ARMC8: variants seen among roughly 807,000 people sequenced by gnomAD.
ARMC8 encodes armadillo repeat-containing protein 8.
ARMC8 carries 20 observed loss-of-function variants against 99.3 expected under a neutral mutation model. The ratio of observed to expected loss-of-function variants is 0.20; its 90% confidence interval spans 0.14 to 0.29. ARMC8 has a LOEUF of 0.29. Ranked by LOEUF, ARMC8 falls within the 10% of genes least tolerant of loss-of-function variation. The pLI, the probability that ARMC8 is intolerant of heterozygous loss-of-function variation, is 1.00. For missense variants in ARMC8, 569 were observed against 809.5 expected, an observed-to-expected ratio of 0.70 and a Z score of 3.60; for synonymous variants, 263 against 278.3, an observed-to-expected ratio of 0.95 and a Z score of 0.55.
At chr3:138,278,840 T>C (rs549153968) in intron 18 of ARMC8, among the ~76,000 whole-genome samples, 3 of 152,232 alleles carry the variant, frequency 2.0e-5, no homozygotes, top group Non-Finnish European at 4.4e-5. Flanking sequence ...AAATTTCGAT[T>C]TCCAGTTGTT....
chr3:138,269,683 A>G (rs893570482), intron 15 of ARMC8, among the ~76,000 whole-genome samples: 1 of 152,216 alleles, frequency 6.6e-6, no homozygotes, highest in Non-Finnish European at 1.5e-5. Context: ...AGTCTCAGCG[A>G]AAGATGAGAG....
At chr3:138,189,202 C>T (rs1258410477) in intron 1 of ARMC8, among the ~76,000 whole-genome samples, 1 of 151,594 alleles carries the variant, frequency 6.6e-6, no homozygotes, top group Non-Finnish European at 1.5e-5. Flanking sequence ...TTATTTTATT[C>T]AAAAACTTCT....
chr3:138,281,341 G>A (rs2049905231), intron 18 of ARMC8, among the ~76,000 whole-genome samples: 1 of 150,702 alleles, frequency 6.6e-6, no homozygotes, highest in African/African-American at 2.4e-5. Context: ...TTGCCAGGCT[G>A]GAGTGCAGTG....
chr3:138,274,428 G>A, intron 17 of ARMC8, 21 bp from the exon 18 acceptor site: 1 of 1,476,936 alleles, frequency 6.8e-7, no homozygotes, highest in South Asian at 1.2e-5. Flanking sequence ...TGATAATTAT[G>A]GATTTCCCAT....
chr3:138,211,399 A>C (rs1195205163), intron 2 of ARMC8, among the ~76,000 whole-genome samples: 1 of 152,226 alleles, frequency 6.6e-6, no homozygotes, highest in Non-Finnish European at 1.5e-5. Flanking sequence ...GTAGAGTTCT[A>C]TCTGATATGA....
At chr3:138,260,060 C>T (rs889086197) in intron 12 of ARMC8, among the ~76,000 whole-genome samples, 1 of 152,206 alleles carries the variant, frequency 6.6e-6, no homozygotes. Context: ...CAAGGGCTTT[C>T]TCTTCCTCAC....
intron 21 of ARMC8, among the ~76,000 whole-genome samples, chr3:138,293,391 T>C (rs1460150074): frequency 6.6e-6 from 1 of 152,012 alleles, no homozygotes; most frequent in Non-Finnish European, 1.5e-5. Flanking sequence ...CTCCAAAAAT[T>C]AGCAGGGCAT....
intron 19 of ARMC8, among the ~76,000 whole-genome samples, chr3:138,287,299 C>G (rs1325770145): frequency 6.6e-6 from 1 of 152,146 alleles, no homozygotes; most frequent in East Asian, 1.9e-4. Context: ...TACTTCAGAC[C>G]TTTTCAGGAA....
At chr3:138,187,633 C>A (rs1311241984) in intron 1 of ARMC8, 34 bp downstream of exon 1, 2 of 1,534,540 alleles carry the variant, frequency 1.3e-6, no homozygotes, top group Non-Finnish European at 1.7e-6. Flanking sequence ...CGCCCGCCCT[C>A]CAGGAAGCCT....
Position 138,187,513 on chromosome 3 carries a change from C to G in ARMC8, c.-42C>G. On this transcript the variant is annotated 5_prime_UTR_variant, in exon 1 of 22. Transcript: ENST00000469044. ...ATAGTTGGCTGTCGAAAGTGCCGGC[C>G]CCCGCGCCGGCGCCTGCAGCAGCCG... 6.5e-7 allele frequency: 1 copy of G among 1,534,396 alleles called. No homozygotes were observed. Among genetic ancestry groups the G allele is most frequent in the Non-Finnish European group, 8.7e-7 (1 of 1,145,514 alleles).
chr3:138,288,837 T>C (rs1370013361), intron 19 of ARMC8, among the ~76,000 whole-genome samples: 1 of 151,988 alleles, frequency 6.6e-6, no homozygotes, highest in Non-Finnish European at 1.5e-5. Flanking sequence ...AGGGTTTCAC[T>C]GTGTTAATCA....
At chr3:138,188,723 T>C (rs2043214000) in intron 1 of ARMC8, among the ~76,000 whole-genome samples, 1 of 152,158 alleles carries the variant, frequency 6.6e-6, no homozygotes, top group South Asian at 2.1e-4. Context: ...ACAAACAAAC[T>C]CACCTATCTG....
chr3:138,245,711 A>G (rs1447094579), intron 12 of ARMC8: 1 of 991,798 alleles, frequency 1.0e-6, no homozygotes, highest in Non-Finnish European at 1.2e-6. Context: ...GGTCATCTGA[A>G]TTTTCCAGCT....
chr3:138,252,178 T>G (rs2047148899), intron 12 of ARMC8, among the ~76,000 whole-genome samples: 1 of 152,158 alleles, frequency 6.6e-6, no homozygotes, highest in Non-Finnish European at 1.5e-5. Context: ...AAGATAAAAT[T>G]ATTTTTGCAT....
In ARMC8 at chr3:138,272,928, A is replaced by G. The variant is rs763221067; in HGVS notation, c.1480-39A>G. The G allele has an allele frequency of 1.7e-5, 25 of 1,429,908 alleles. 1 individual carries two copies. In the South Asian group the frequency reaches 4.0e-4, roughly 23 times the overall value. 88.6% of individuals were successfully genotyped at this position (1,429,908 alleles called of 1,614,324 possible). ...ATTAAAATATAATTTAATAAAGTAA[A>G]TGTAGACATGATTCTTGCAACTTCT... On this transcript the variant is annotated intron_variant, in intron 16 of 21. Transcript: ENST00000469044.
At chr3:138,219,241 C>T (rs1372794561) in intron 2 of ARMC8, among the ~76,000 whole-genome samples, 1 of 152,190 alleles carries the variant, frequency 6.6e-6, no homozygotes, top group African/African-American at 2.4e-5. Context: ...GTTGTGTTCC[C>T]ATCTTGGATG....
intron 1 of ARMC8, among the ~76,000 whole-genome samples, chr3:138,191,947 A>G (rs2043410699): frequency 6.6e-6 from 1 of 152,228 alleles, no homozygotes. Context: ...ATTATAACGT[A>G]GTATGAACAA....
chr3:138,271,373 A>C (rs1319255123), intron 16 of ARMC8, among the ~76,000 whole-genome samples: 2 of 152,154 alleles, frequency 1.3e-5, no homozygotes, highest in East Asian at 3.8e-4. Flanking sequence ...ACTTCATCTC[A>C]TAACATGGTT....
At chr3:138,243,562 C>T (rs564777083) in intron 11 of ARMC8, among the ~76,000 whole-genome samples, 1 of 152,086 alleles carries the variant, frequency 6.6e-6, no homozygotes, top group Non-Finnish European at 1.5e-5. Context: ...GAAGTTCTTC[C>T]TATAATCCAT....
Sources: gnomAD v4.1 joint callset for allele counts (sites outside exome capture counted in the v4.1 genomes callset) on GRCh38, gnomAD v4.1.1 for gene constraint, MANE v1.5 for transcripts, NCBI Gene and HGNC (gene_info 2026-07-23, HGNC 2026-07-21) for gene names.